Variants in FNBP1 observed in about 807,000 individuals in gnomAD.
FNBP1 encodes the protein formin binding protein 1.
Under a neutral mutation model 90.6 loss-of-function variants are expected in FNBP1, and 26 were observed. That is an observed-to-expected ratio of 0.29 (90% CI 0.21 to 0.40). The LOEUF (loss-of-function observed/expected upper bound fraction) is 0.40. Ranked by LOEUF, FNBP1 falls within the 10% of genes least tolerant of loss-of-function variation. The probability of loss-of-function intolerance (pLI) is 1.00; values close to 1 mark genes in which losing one functional copy is unlikely to be tolerated. For missense variants in FNBP1, 635 were observed against 768.0 expected, an observed-to-expected ratio of 0.83 and a Z score of 2.05; for synonymous variants, 260 against 265.2, an observed-to-expected ratio of 0.98 and a Z score of 0.19.
chr9:129,978,378 T>C, intron 4 of FNBP1, 87 bp downstream of exon 4: 1 of 1,142,764 alleles, frequency 8.8e-7, no homozygotes, highest in Non-Finnish European at 1.3e-6. Flanking sequence ...TAGTCTTATA[T>C]GGTTTTATTT....
chr9:129,999,827 T>C (rs959897300), intron 1 of FNBP1, among the ~76,000 whole-genome samples: 4 of 152,162 alleles, frequency 2.6e-5, no homozygotes, highest in Admixed American at 2.0e-4. Flanking sequence ...GTGTTACATT[T>C]TTGCAAATCT....
chr9:130,052,178 A>G, the FNBP1 span, among the ~76,000 whole-genome samples: 1 of 152,228 alleles, frequency 6.6e-6, no homozygotes, highest in Non-Finnish European at 1.5e-5. Flanking sequence ...CAATTCCAAA[A>G]TAATGACTGG....
chr9:129,996,408 G>T (rs1389860946), intron 1 of FNBP1, among the ~76,000 whole-genome samples: 1 of 152,150 alleles, frequency 6.6e-6, no homozygotes, highest in Non-Finnish European at 1.5e-5. Flanking sequence ...AGTGGAAATG[G>T]AATTCTCCAT....
chr9:129,938,539 C>CTTTTTTTTT (rs2043843540), intron 6 of FNBP1, among the ~76,000 whole-genome samples: 1 of 136,344 alleles, frequency 7.3e-6, no homozygotes, highest in African/African-American at 2.9e-5. Context: ...AATTTCCTGA[C>CTTTTTTTTT]TCTTTTTTTT....
chr9:129,949,206 T>G (rs1214524184), intron 6 of FNBP1, among the ~76,000 whole-genome samples: 3 of 152,200 alleles, frequency 2.0e-5, no homozygotes, highest in Admixed American at 1.3e-4. Context: ...AGCCTTCAAG[T>G]TCAAAACTCT....
intron 10 of FNBP1, chr9:129,918,877 C>CA (rs796911962): frequency 0.18 from 27,773 of 152,160 alleles, 2,008 homozygotes; most frequent in Non-Finnish European, 0.19. Context: ...AAGAGAAAAA[C>CA]AAAAAAAAAA....
At chr9:130,027,220 G>A (rs1220992804) in intron 1 of FNBP1, among the ~76,000 whole-genome samples, 2 of 152,158 alleles carry the variant, frequency 1.3e-5, no homozygotes, top group African/African-American at 4.8e-5. Flanking sequence ...CAAAGTGTAT[G>A]ATCATGTGAC....
chr9:130,001,901 G>T (rs990200177), intron 1 of FNBP1, among the ~76,000 whole-genome samples: 3 of 152,026 alleles, frequency 2.0e-5, no homozygotes, highest in East Asian at 1.9e-4. Flanking sequence ...GATGGTGGGC[G>T]CCTGTAATCC....
Position 129,888,566 on chromosome 9 carries a change from C to T in FNBP1, c.*1973G>A, listed in dbSNP as rs1490106688. 8.6e-6 allele frequency: 2 copies of T among 232,850 alleles called. No homozygotes were observed. The highest frequency in any genetic ancestry group is 5.6e-5 in the Admixed American group (1 of 17,754). 14.4% of individuals were successfully genotyped at this position (232,850 alleles called of 1,614,324 possible). The stretch of plus-strand genomic sequence containing the variant: ...CGCTTAGGTCACCCGTTGCAGGGAC[C>T]GGAAGTCCATGGCTCTGCCGCAACC... On this transcript the variant is annotated 3_prime_UTR_variant, in exon 17 of 17. Transcript: ENST00000446176.
chr9:129,960,410 G>GA (rs985394433), intron 4 of FNBP1, among the ~76,000 whole-genome samples: 9 of 125,390 alleles, frequency 7.2e-5, no homozygotes, highest in African/African-American at 2.3e-4. Context: ...AAAAGAAAAA[G>GA]AAAAAGAAAA....
At position 130,041,960 on chromosome 9, in the gene FNBP1, T is replaced by C. The variant is rs1016623810; in HGVS notation, c.24+992A>G. 2.6e-5 allele frequency among the ~76,000 whole-genome samples: 4 copies of C among 152,146 alleles called. No homozygotes were observed. Among genetic ancestry groups the C allele is most frequent in the African/African-American group, 9.7e-5 (4 of 41,426 alleles). ...GCACTTTAGAGTTCATCCTGGGAAA[T>C]GGCTCATCTTGAGGGCATTTCAGTG... On this transcript the variant is annotated intron_variant, in intron 1 of 16. Coordinates refer to ENST00000446176, the MANE Select transcript of FNBP1 (RefSeq NM_015033.3). This position sits in a 1 kb window ranked among gnomAD's most constrained non-coding sequence, Gnocchi z 4.3.
Position 129,889,225 on chromosome 9 carries a change from C to T in FNBP1, c.*1314G>A, listed in dbSNP as rs1257754302. 3 of 199,240 alleles carry T rather than the reference C, an allele frequency of 1.5e-5. No homozygotes were observed. Among genetic ancestry groups the T allele is most frequent in the East Asian group, 7.7e-5 (1 of 13,028 alleles). The allele number at this position is 199,240 out of a possible 1,614,324, so 12.3% of individuals were successfully genotyped here. A position where few individuals can be genotyped will look rare whatever the true frequency, so the allele number is the denominator to read the frequency against. On this transcript the variant is annotated 3_prime_UTR_variant, in exon 17 of 17. Transcript: ENST00000446176. The stretch of plus-strand genomic sequence containing the variant: ...ACGTGATAAAATACAAGGGTGGTGG[C>T]GGCGGGATCCCTCAAAGGACCACGA...
At chr9:129,910,193 A>C (rs1337251653) in intron 11 of FNBP1, 1 of 455,900 alleles carries the variant, frequency 2.2e-6, no homozygotes, top group Admixed American at 2.3e-5. Flanking sequence ...AAAGAGAGAG[A>C]AATTTCGTGC....
In FNBP1 at chr9:130,031,405, T is replaced by C. The variant is rs1258577709; in HGVS notation, c.24+11547A>G. On this transcript the variant is annotated intron_variant, in intron 1 of 16. Coordinates refer to ENST00000446176, the MANE Select transcript of FNBP1 (RefSeq NM_015033.3). The surrounding 1 kb of genome is among the most constrained non-coding windows in gnomAD (Gnocchi z 4.2). ...ATAGTCTGCCTCTTCAGGCTCCTAT[T>C]ACAACTCCATCACCTGCTCATCATT... is the stretch of plus-strand genomic sequence containing the variant. Among the ~76,000 whole-genome samples the C allele has an allele frequency of 6.6e-6, 1 of 152,194 alleles. No homozygotes were observed. The highest frequency in any genetic ancestry group is 1.5e-5 in the Non-Finnish European group (1 of 68,026).
chr9:130,040,340 C>A (rs1443045705), intron 1 of FNBP1, among the ~76,000 whole-genome samples: 1 of 152,174 alleles, frequency 6.6e-6, no homozygotes, highest in Non-Finnish European at 1.5e-5. Flanking sequence ...TTTTTAACGT[C>A]AAGCGTGGTG....
rs567384213 is a variant in FNBP1, at chr9:129,992,854, G to T, written c.140+1989C>A. On this transcript the variant is annotated intron_variant, in intron 2 of 16. Coordinates refer to ENST00000446176, the MANE Select transcript of FNBP1 (RefSeq NM_015033.3). ...GGTATGAGCCACTGCGCCCAGCCAA[G>T]AACACATATCTTTTATGCAGATGCT... Among the ~76,000 whole-genome samples, 3 of 146,154 alleles carry T rather than the reference G, an allele frequency of 2.1e-5. No homozygotes were observed. The South Asian group carries it at 6.6e-4, about 32-fold the overall frequency.
chr9:129,977,239 C>A (rs886828286), intron 4 of FNBP1, among the ~76,000 whole-genome samples: 1 of 151,932 alleles, frequency 6.6e-6, no homozygotes, highest in African/African-American at 2.4e-5. Context: ...CACATGCAAT[C>A]GAAGTACAAT....
the FNBP1 span, among the ~76,000 whole-genome samples, chr9:130,050,372 A>G: frequency 6.6e-6 from 1 of 152,136 alleles, no homozygotes; most frequent in Middle Eastern, 3.2e-3. Context: ...CAGGTTGAGG[A>G]GTAATTTTGA....
chr9:129,983,740 G>A (rs942968009), intron 2 of FNBP1, among the ~76,000 whole-genome samples: 3 of 152,106 alleles, frequency 2.0e-5, no homozygotes, highest in Non-Finnish European at 2.9e-5. Flanking sequence ...AAACCTGGGA[G>A]GCGGAGGTTG....
Sources: allele counts gnomAD v4.1 joint callset (sites outside exome capture counted in the v4.1 genomes callset), GRCh38; gene constraint gnomAD v4.1.1; non-coding constraint Gnocchi (gnomAD v3.1); transcripts MANE v1.5; gene names NCBI Gene and HGNC (gene_info 2026-07-23, HGNC 2026-07-21).